ABTB1: variants seen among roughly 807,000 people sequenced by gnomAD.
ABTB1 encodes the protein ankyrin repeat and BTB/POZ domain-containing protein 1.
Under a neutral mutation model 57.1 loss-of-function variants are expected in ABTB1, and 45 were observed. The observed-to-expected ratio is 0.79, with a 90% CI of 0.62 to 1.01. ABTB1 has a LOEUF of 1.01. Among genes scored for constraint, ABTB1 ranks in the 50% least tolerant of loss-of-function variants. ABTB1 has a pLI of 0.00. For synonymous variants in ABTB1, 302 were observed against 275.4 expected (o/e 1.10, Z -0.95); for missense variants, 630 against 666.3 (o/e 0.95, Z 0.60).
chr3:127,676,889 G>A lies in ABTB1; in HGVS notation c.527-78G>A, dbSNP rs1437654697. 4.2e-6 allele frequency: 6 copies of A among 1,427,208 alleles called. No individual in the cohort carries two copies. The East Asian group carries it at 6.9e-5, about 16-fold the overall frequency. The allele number at this position is 1,427,208 out of a possible 1,614,324, so 88.4% of individuals were successfully genotyped here. On this transcript the variant is annotated intron_variant, in intron 6 of 11. Transcript: ENST00000232744. This position sits in a 1 kb window ranked among gnomAD's most constrained non-coding sequence, Gnocchi z 5.4. ...TAGTCCTGCAGCCAGGTGGCCAGGT[G>A]GGAGGGGATCACCCTTTTTCTGTGG...
At position 127,677,195 on chromosome 3, in the gene ABTB1, A is replaced by G; in HGVS notation, c.671A>G (p.Lys224Arg). The G allele has an allele frequency of 6.2e-7, 1 of 1,612,830 alleles. No individual in the cohort carries two copies. Among genetic ancestry groups the G allele is most frequent in the Non-Finnish European group, 8.5e-7 (1 of 1,179,554 alleles). ...GCGTCTAAGCCAGGCACGTGTGTGAAGGTGCTGACCATCGAGCCCCCACCT... is the reference window on the plus strand; with the variant it reads ...GCGTCTAAGCCAGGCACGTGTGTGAGGGTGCTGACCATCGAGCCCCCACCT... ...FVASKPGTCV[K>R]VLTIEPPPAD... Residue 224 changes from lysine to arginine, a missense_variant, in exon 8 of 12, where the codon AAG becomes AGG. Lys to Arg is a conservative substitution (Grantham distance 26, BLOSUM62 2). This residue lies in a region of ABTB1 where 579 missense variants were observed against 585.9 expected (regional missense o/e 0.99). Transcript: ENST00000232744.
chr3:127,679,225 A>G (rs190712631), intron 10 of ABTB1: 21 of 264,344 alleles, frequency 7.9e-5, no homozygotes, highest in Admixed American at 6.4e-4. Flanking sequence ...CAGTTACTTA[A>G]CTGCTCTGTG....
At chr3:127,675,057 G>T (rs536661310) in intron 3 of ABTB1, among the ~76,000 whole-genome samples, 1 of 151,588 alleles carries the variant, frequency 6.6e-6, no homozygotes, top group African/African-American at 2.4e-5. Flanking sequence ...CACTGGCCTC[G>T]CTGGGGCTCC....
chr3:127,676,365 C>G lies in ABTB1; in HGVS notation c.414C>G (p.Ala138=), dbSNP rs143932519. Residue 138 remains alanine, a synonymous_variant, in exon 5 of 12, where the codon GCC becomes GCG. Transcript: ENST00000232744. This position sits in a 1 kb window ranked among gnomAD's most constrained non-coding sequence, Gnocchi z 5.4. ...GCTGCGTCCTGGGTGCACGTAGTGC[C>G]TACTTTGCCAACATGCTGGACACCA... ...VHRCVLGARS[A]YFANMLDTKW... is the part of the protein sequence containing the mutation. 1.8e-5 allele frequency: 29 copies of G among 1,614,052 alleles called. No homozygotes were observed. The highest frequency in any genetic ancestry group is 9.3e-6 in the Non-Finnish European group (11 of 1,180,030).
At position 127,676,160 on chromosome 3, in the gene ABTB1, T is replaced by C. The variant is rs565629605; in HGVS notation, c.320+46T>C. 3 of 1,608,580 alleles carry C rather than the reference T, an allele frequency of 1.9e-6. No homozygotes were observed. The highest frequency in any genetic ancestry group is 2.2e-5 in the South Asian group (2 of 90,962). On this transcript the variant is annotated intron_variant, in intron 4 of 11. Coordinates refer to ENST00000232744, the MANE Select transcript of ABTB1 (RefSeq NM_172027.3). The surrounding 1 kb of genome is among the most constrained non-coding windows in gnomAD (Gnocchi z 5.4). ...GGTGCAGCATGGGGTGCGGTGGCCCTGGTGGGTGTGGCGAGTCTGCTCTGA... is the reference window on the plus strand; with the variant it reads ...GGTGCAGCATGGGGTGCGGTGGCCCCGGTGGGTGTGGCGAGTCTGCTCTGA...
Position 127,676,285 on chromosome 3 carries a change from G to A in ABTB1, c.334G>A (p.Gly112Ser). The A allele has an allele frequency of 6.2e-7, 1 of 1,613,666 alleles. No homozygotes were observed. ...DDFLQRLLEQ[G>S]IHSDVVFVVH... is the part of the protein sequence containing the mutation. ...GTCCCTCCCCAGGCTTCTAGAGCAG[G>A]GCATCCACAGTGACGTGGTCTTTGT... The change falls in exon 5 of 12, where the codon GGC (glycine) becomes AGC (serine). Residue 112 changes from glycine (G) to serine (S), a missense_variant. By Grantham distance (56) the Gly-to-Ser change is moderately conservative. Coordinates refer to ENST00000232744, the MANE Select transcript of ABTB1 (RefSeq NM_172027.3). The surrounding 1 kb of genome is among the most constrained non-coding windows in gnomAD (Gnocchi z 5.4).
At chr3:127,674,648 TGTGCGTGTGG>T in intron 3 of ABTB1, 48 bp downstream of exon 3, 2 of 1,604,020 alleles carry the variant, frequency 1.2e-6, no homozygotes, top group Non-Finnish European at 1.7e-6. Flanking sequence ...TGCATGCATG[TGTGCGTGTGG>T]GTGCATGCAT....
At position 127,677,665 on chromosome 3, in the gene ABTB1, G is replaced by C; in HGVS notation, c.862-11G>C. Reference sequence around the variant, plus strand: ...CTGGCCCTCACACTTCCTGAGCCCGGCCTCCCCCAGGCCTTTTTCTGTGGC... The same window carrying C: ...CTGGCCCTCACACTTCCTGAGCCCGCCCTCCCCCAGGCCTTTTTCTGTGGC... On this transcript the variant is annotated splice_polypyrimidine_tract_variant and intron_variant, in intron 9 of 11. Transcript: ENST00000232744. 1 of 1,610,912 alleles carries C rather than the reference G, an allele frequency of 6.2e-7. No homozygotes were observed. Among genetic ancestry groups the C allele is most frequent in the African/African-American group, 1.3e-5 (1 of 74,998 alleles).
At chr3:127,678,585 G>A (rs568836142) in intron 10 of ABTB1, 1 of 152,450 alleles carries the variant, frequency 6.6e-6, no homozygotes, top group African/African-American at 2.4e-5. Flanking sequence ...GCCAGAGACA[G>A]TACAGAGATG....
intron 8 of ABTB1, 43 bp from the exon 9 acceptor site, chr3:127,677,422 T>C: frequency 1.3e-6 from 2 of 1,599,474 alleles, no homozygotes; most frequent in East Asian, 2.2e-5. Context: ...CGTTCACTTC[T>C]GTGAACAACT....
rs199994426 is a variant in ABTB1, at chr3:127,677,216, C to T, written c.692C>T (p.Pro231Leu). The T allele has an allele frequency of 3.0e-5, 48 of 1,609,714 alleles. No homozygotes were observed. The Admixed American group carries it at 3.2e-4, about 11-fold the overall frequency. ...GTGAAGGTGCTGACCATCGAGCCCC[C>T]ACCTGCAGACCCCCGCCTCCGGGAG... is the stretch of plus-strand genomic sequence containing the variant. ...TCVKVLTIEP[P>L]PADPRLREDM... Residue 231 changes from proline to leucine, a missense_variant, in exon 8 of 12, where the codon CCA (proline) becomes CTA (leucine). Transcript: ENST00000232744.
At position 127,672,984 on chromosome 3, in the gene ABTB1, C is replaced by G. The variant is rs200194975; in HGVS notation, c.-42C>G. The stretch of plus-strand genomic sequence containing the variant: ...TTTACATCCGCCGGGTGCGCGGCTT[C>G]GCCGCCCGAGGTCGTTCGGCTCGGG... On this transcript the variant is annotated 5_prime_UTR_variant, in exon 1 of 12. Coordinates refer to ENST00000232744, the MANE Select transcript of ABTB1 (RefSeq NM_172027.3). 141 of 1,525,454 alleles carry G rather than the reference C, an allele frequency of 9.2e-5. No individual in the cohort carries two copies. The Middle Eastern group carries it at 1.2e-3, about 13-fold the overall frequency. 94.5% of individuals were successfully genotyped at this position (1,525,454 alleles called of 1,614,324 possible).
intron 1 of ABTB1, chr3:127,674,075 G>T: frequency 2.4e-6 from 1 of 411,290 alleles, no homozygotes; most frequent in East Asian, 5.1e-5. Context: ...GGGAGTGAAG[G>T]CTCCATCACC....
chr3:127,675,877 C>T, intron 3 of ABTB1, 93 bp from the exon 4 acceptor site: 1 of 1,505,774 alleles, frequency 6.6e-7, no homozygotes, highest in African/African-American at 1.4e-5. Flanking sequence ...AGATTCGGAG[C>T]CCCATGTGTG....
At chr3:127,673,874 C>G (rs1169559290) in intron 1 of ABTB1, among the ~76,000 whole-genome samples, 2 of 152,228 alleles carry the variant, frequency 1.3e-5, no homozygotes, top group Admixed American at 1.3e-4. Context: ...GCTGCCCCCG[C>G]CTCAGTGGGG....
chr3:127,674,829 A>G (rs2107552609), intron 3 of ABTB1, among the ~76,000 whole-genome samples: 1 of 152,214 alleles, frequency 6.6e-6, no homozygotes, highest in African/African-American at 2.4e-5. Flanking sequence ...AGTCATCAGC[A>G]TTTCTCCCCG....
At position 127,674,618 on chromosome 3, in the gene ABTB1, G is replaced by A. The variant is rs369258777; in HGVS notation, c.175+18G>A. ...GGCCAATGGTGAGAGCAGGGAGCCCGGCTCACGGGTGTGCGTGGGTGCATG... is the reference window on the plus strand; with the variant it reads ...GGCCAATGGTGAGAGCAGGGAGCCCAGCTCACGGGTGTGCGTGGGTGCATG... On this transcript the variant is annotated intron_variant, in intron 3 of 11. Coordinates refer to ENST00000232744, the MANE Select transcript of ABTB1 (RefSeq NM_172027.3). The A allele has an allele frequency of 6.5e-5, 105 of 1,614,010 alleles. No homozygotes were observed. Among genetic ancestry groups the A allele is most frequent in the Admixed American group, 4.5e-4 (27 of 60,006 alleles).
chr3:127,675,714 C>T (rs2074965128), intron 3 of ABTB1: 1 of 552,690 alleles, frequency 1.8e-6, no homozygotes, highest in Admixed American at 3.1e-5. Context: ...AGCCCAGCCA[C>T]CAAGTCAGCT....
Position 127,680,089 on chromosome 3 carries a change from G to C in ABTB1, c.1134G>C (p.Glu378Asp). The change falls in exon 11 of 12, where the codon GAG (glutamate) becomes GAC (aspartate). Residue 378 changes from glutamate to aspartate, a missense_variant. This residue lies in a region of ABTB1 where 579 missense variants were observed against 585.9 expected (regional missense o/e 0.99). Coordinates refer to ENST00000232744, the MANE Select transcript of ABTB1 (RefSeq NM_172027.3). ...GCAGCCTGGCTCAGATGCTAGACGAGGACACTGTGGTGGGTGTGTGGCGCG... is the reference window on the plus strand; with the variant it reads ...GCAGCCTGGCTCAGATGCTAGACGACGACACTGTGGTGGGTGTGTGGCGCG... ...CGRSLAQMLD[E>D]DTVVGVWRVA... 3 of 1,613,896 alleles carry C rather than the reference G, an allele frequency of 1.9e-6. No homozygotes were observed. Among genetic ancestry groups the C allele is most frequent in the Non-Finnish European group, 2.5e-6 (3 of 1,180,036 alleles).
Sources: gnomAD v4.1 joint callset for allele counts (sites outside exome capture counted in the v4.1 genomes callset) on GRCh38, gnomAD v4.1.1 for gene constraint, gnomAD v4.1.1 regional missense constraint, Gnocchi (gnomAD v3.1) non-coding constraint, MANE v1.5 for transcripts, NCBI Gene and HGNC (gene_info 2026-07-23, HGNC 2026-07-21) for gene names.